The following LUZP2 variants were observed in gnomAD, a reference collection of about 807,000 sequenced individuals.
LUZP2 encodes the protein leucine zipper protein 2.
A neutral mutation model predicts 51.6 loss-of-function variants in LUZP2; 52 were observed. The ratio of observed to expected loss-of-function variants is 1.01; its 90% CI spans 0.81 to 1.27. The LOEUF is 1.27. Among genes scored for constraint, LUZP2 ranks in the 50% most tolerant of loss-of-function variants. The pLI is 0.00. For synonymous variants in LUZP2, 154 were observed against 137.3 expected, an observed-to-expected ratio of 1.12 and a Z score of -0.85; for missense variants, 436 against 395.4, an observed-to-expected ratio of 1.10 and a Z score of -0.87.
At chr11:24,742,372 C>T (rs886433456) in intron 4 of LUZP2, among the ~76,000 whole-genome samples, 1 of 151,502 alleles carries the variant, frequency 6.6e-6, no homozygotes, top group African/African-American at 2.4e-5. Context: ...TACAGTTTAT[C>T]GATTTTTTGA....
chr11:24,817,005 C>A (rs952164408), intron 5 of LUZP2, among the ~76,000 whole-genome samples: 1 of 151,940 alleles, frequency 6.6e-6, no homozygotes, highest in African/African-American at 2.4e-5. Flanking sequence ...AATTTAGAAG[C>A]GTAAATTCTT....
rs539695003 is a variant in LUZP2 at position 24,975,921 on chromosome 11, G to A, written c.523-670G>A. ...TGGGCTGTCATAACAAAATACCATC[G>A]ACTAGTGTAAAAATAAAAATCTATT... is the stretch of plus-strand genomic sequence containing the variant. On this transcript the variant is annotated intron_variant, in intron 7 of 11. Coordinates refer to ENST00000336930, the MANE Select transcript of LUZP2 (RefSeq NM_001009909.4). Among the ~76,000 whole-genome samples the A allele has an allele frequency of 2.7e-4, 41 of 151,950 alleles. No homozygotes were observed. The South Asian group carries it at 7.7e-3, about 28-fold the overall frequency.
At chr11:24,953,937 T>C (rs1174581505) in intron 7 of LUZP2, among the ~76,000 whole-genome samples, 1 of 152,034 alleles carries the variant, frequency 6.6e-6, no homozygotes, top group Non-Finnish European at 1.5e-5. Context: ...AAGTTAAACA[T>C]TATGTATTAA....
intron 1 of LUZP2, among the ~76,000 whole-genome samples, chr11:24,561,553 C>G (rs1327696817): frequency 6.6e-6 from 1 of 152,076 alleles, no homozygotes; most frequent in Non-Finnish European, 1.5e-5. Context: ...TCTCAGCAAA[C>G]TAACACCAGA....
intron 7 of LUZP2, among the ~76,000 whole-genome samples, chr11:24,961,647 A>C (rs924134549): frequency 1.3e-4 from 20 of 152,214 alleles, no homozygotes; most frequent in Admixed American, 5.9e-4. Context: ...GTGTCTCTGC[A>C]TGTGAGATGG....
chr11:24,510,430 C>T (rs1850275162), intron 1 of LUZP2, among the ~76,000 whole-genome samples: 1 of 152,182 alleles, frequency 6.6e-6, no homozygotes, highest in Non-Finnish European at 1.5e-5. Context: ...CAACCCTTGC[C>T]ACCTTAATCA....
chr11:24,587,305 A>T (rs1405239298), intron 1 of LUZP2, among the ~76,000 whole-genome samples: 1 of 152,192 alleles, frequency 6.6e-6, no homozygotes, highest in Non-Finnish European at 1.5e-5. Context: ...GATTGTACAA[A>T]GGAGAATACA....
chr11:24,994,229 T>C (rs1856433014), intron 9 of LUZP2, among the ~76,000 whole-genome samples: 1 of 148,756 alleles, frequency 6.7e-6, no homozygotes. Context: ...TGTGAGGTCA[T>C]AGATTATCTC....
At chr11:24,567,535 C>A (rs533220571) in intron 1 of LUZP2, among the ~76,000 whole-genome samples, 75 of 151,866 alleles carry the variant, frequency 4.9e-4, no homozygotes, top group African/African-American at 1.7e-3. Context: ...ACACCATAGT[C>A]AAAATATTGA....
intron 1 of LUZP2, among the ~76,000 whole-genome samples, chr11:24,556,266 T>C (rs12276298): frequency 0.42 from 63,762 of 151,934 alleles, 13,908 homozygotes; most frequent in African/African-American, 0.52. Flanking sequence ...TGTGAAGAAC[T>C]ATGCCATTCA....
At chr11:24,824,566 A>T (rs2716483) in intron 5 of LUZP2, among the ~76,000 whole-genome samples, 20,307 of 151,646 alleles carry the variant, frequency 0.13, 1,432 homozygotes, top group Admixed American at 0.15. Context: ...CATTGATCTT[A>T]GTTTCATTAT....
Position 25,078,654 on chromosome 11 carries a change from T to C in LUZP2, c.1037T>C (p.Leu346Pro), listed in dbSNP as rs1343496251. The C allele has an allele frequency of 1.3e-5, 21 of 1,597,228 alleles. No homozygotes were observed. Among genetic ancestry groups the C allele is most frequent in the Non-Finnish European group, 1.8e-5 (21 of 1,172,968 alleles). Residue 346 changes from leucine (L) to proline (P), a missense_variant, in exon 12 of 12, where the codon CTG becomes CCG. Physicochemically the swap from Leu to Pro is moderately conservative, Grantham distance 98. Transcript: ENST00000336930. ...EGMAAREEKI[L>P] ...ATGGCAGCTAGAGAAGAAAAAATAC[T>C]GTAAATACTAAGAAACTGTGTTAAA...
At chr11:24,864,129 C>T (rs1257451194) in intron 5 of LUZP2, among the ~76,000 whole-genome samples, 1 of 151,844 alleles carries the variant, frequency 6.6e-6, no homozygotes, top group African/African-American at 2.4e-5. Context: ...ATATTTGTTC[C>T]CCAATAATGG....
intron 5 of LUZP2, among the ~76,000 whole-genome samples, chr11:24,887,997 C>T (rs1852727196): frequency 6.6e-6 from 1 of 152,178 alleles, no homozygotes; most frequent in Non-Finnish European, 1.5e-5. Context: ...ATGTTTTCAG[C>T]TGCCTGGCCA....
At chr11:24,748,675 T>C (rs1320821051) in intron 4 of LUZP2, among the ~76,000 whole-genome samples, 3 of 152,140 alleles carry the variant, frequency 2.0e-5, no homozygotes, top group Non-Finnish European at 4.4e-5. Flanking sequence ...GCCGGGATGG[T>C]CTTGATCTCT....
intron 1 of LUZP2, among the ~76,000 whole-genome samples, chr11:24,607,829 A>ATTT (rs36035163): frequency 0.02 from 2,867 of 145,178 alleles, 32 homozygotes; most frequent in African/African-American, 0.032. Flanking sequence ...TCTCTATTTT[A>ATTT]TTTTTTTTTT....
chr11:24,913,002 G>A (rs1418830474), intron 6 of LUZP2, among the ~76,000 whole-genome samples: 2 of 152,014 alleles, frequency 1.3e-5, no homozygotes, highest in Non-Finnish European at 2.9e-5. Context: ...AAGGATCATG[G>A]GTTTATTACC....
At chr11:24,691,112 A>G (rs965663811) in intron 1 of LUZP2, among the ~76,000 whole-genome samples, 5 of 152,014 alleles carry the variant, frequency 3.3e-5, no homozygotes, top group Admixed American at 3.3e-4. Flanking sequence ...ACAGCAAAAA[A>G]TCTGTAACAA....
intron 10 of LUZP2, among the ~76,000 whole-genome samples, chr11:25,070,770 G>GGT (rs67504954): frequency 0.14 from 19,335 of 140,992 alleles, 1,339 homozygotes; most frequent in Non-Finnish European, 0.15. Flanking sequence ...GACTGTGTAT[G>GGT]GTGTGTGTGT....
Sources: gnomAD v4.1 joint callset for allele counts (sites outside exome capture counted in the v4.1 genomes callset) on GRCh38, gnomAD v4.1.1 for gene constraint, MANE v1.5 for transcripts, NCBI Gene and HGNC (gene_info 2026-07-23, HGNC 2026-07-21) for gene names.